The following ECPAS variants were observed in gnomAD, a reference collection of about 807,000 sequenced individuals.
The protein encoded by ECPAS is proteasome adapter and scaffold protein ECM29.
In ECPAS, 70 loss-of-function variants were observed where a neutral mutation model predicts 255.1. That is an observed-to-expected ratio of 0.27 (90% CI 0.23 to 0.33). The LOEUF is 0.33. Ranked by LOEUF, ECPAS falls within the 10% of genes least tolerant of loss-of-function variation. The pLI is 1.00. For missense variants in ECPAS, 1,817 were observed against 2,206.4 expected (o/e 0.82, Z 3.54); for synonymous variants, 784 against 775.0 (o/e 1.01, Z -0.19).
intron 36 of ECPAS, among the ~76,000 whole-genome samples, chr9:111,377,556 A>G (rs1300927057): frequency 6.6e-6 from 1 of 152,228 alleles, no homozygotes; most frequent in Non-Finnish European, 1.5e-5. Context: ...TCACTGTAGA[A>G]CACTATACAT....
intron 2 of ECPAS, among the ~76,000 whole-genome samples, chr9:111,452,242 T>C (rs973096483): frequency 6.6e-6 from 1 of 152,202 alleles, no homozygotes; most frequent in Non-Finnish European, 1.5e-5. Flanking sequence ...TTAGGTACTA[T>C]AATGGTATTG....
chr9:111,378,534 C>T, intron 36 of ECPAS, 46 bp downstream of exon 36: 1 of 1,568,132 alleles, frequency 6.4e-7, no homozygotes, highest in Non-Finnish European at 8.7e-7. Context: ...CTTAACAGGG[C>T]TCTTCCCTCA....
chr9:111,380,485 G>A (rs539688682), intron 35 of ECPAS, among the ~76,000 whole-genome samples: 2 of 152,288 alleles, frequency 1.3e-5, no homozygotes, highest in African/African-American at 4.8e-5. Flanking sequence ...AGCAGATTTA[G>A]CAGAATTCTT....
intron 38 of ECPAS, among the ~76,000 whole-genome samples, 196 bp from the exon 39 acceptor site, chr9:111,374,234 G>T (rs186032461): frequency 2.6e-5 from 4 of 152,232 alleles, no homozygotes; most frequent in Non-Finnish European, 5.9e-5. Flanking sequence ...AGAGAAAGAT[G>T]GGTGATCTCA....
At chr9:111,462,579 A>C (rs1046111430) in intron 2 of ECPAS, among the ~76,000 whole-genome samples, 1 of 152,148 alleles carries the variant, frequency 6.6e-6, no homozygotes, top group African/African-American at 2.4e-5. Flanking sequence ...CAAAGTATCA[A>C]TGTAGTTTTT....
intron 6 of ECPAS, 30 bp from the exon 7 acceptor site, chr9:111,437,138 A>G: frequency 1.3e-6 from 2 of 1,535,946 alleles, no homozygotes; most frequent in East Asian, 4.7e-5. Flanking sequence ...TTAACCCTCT[A>G]TAAATACAAA....
intron 9 of ECPAS, among the ~76,000 whole-genome samples, chr9:111,429,389 A>C (rs2098226524): frequency 6.6e-6 from 1 of 152,140 alleles, no homozygotes; most frequent in African/African-American, 2.4e-5. Flanking sequence ...CATGAGTGCA[A>C]ATATTGACAC....
intron 17 of ECPAS, 77 bp from the exon 18 acceptor site, chr9:111,416,429 C>T (rs2098203622): frequency 3.8e-6 from 4 of 1,039,592 alleles, no homozygotes; most frequent in East Asian, 4.8e-5. Context: ...TCAAAAACAA[C>T]TGTGTTTCTA....
chr9:111,456,450 T>A (rs2098267078), intron 2 of ECPAS, among the ~76,000 whole-genome samples: 1 of 152,208 alleles, frequency 6.6e-6, no homozygotes, highest in Admixed American at 6.5e-5. Flanking sequence ...TCTCCAAGAA[T>A]GACCCTATTT....
At chr9:111,397,724 T>C (rs1423507625) in intron 24 of ECPAS, among the ~76,000 whole-genome samples, 2 of 152,222 alleles carry the variant, frequency 1.3e-5, no homozygotes, top group Non-Finnish European at 2.9e-5. Context: ...TTTAACTCTT[T>C]GCACTCTTAA....
intron 1 of ECPAS, chr9:111,483,445 C>G (rs2098309926): frequency 1.3e-5 from 12 of 927,344 alleles, no homozygotes; most frequent in Non-Finnish European, 1.5e-5. Flanking sequence ...GCCGCCGGCC[C>G]CCGGCACCGC....
chr9:111,437,305 G>A (rs7851291), intron 6 of ECPAS, among the ~76,000 whole-genome samples, 197 bp from the exon 7 acceptor site: 8,685 of 152,140 alleles, frequency 0.057, 590 homozygotes, highest in African/African-American at 0.15. Flanking sequence ...TAACCAGAGA[G>A]CACGTCATTT....
Position 111,468,610 on chromosome 9 carries a change from C to T in ECPAS, c.22+4287G>A, listed in dbSNP as rs192227271. Among the ~76,000 whole-genome samples the T allele has an allele frequency of 2.0e-5, 3 of 149,966 alleles. No homozygotes were observed. In the East Asian group the frequency reaches 6.0e-4, roughly 30 times the overall value. On this transcript the variant is annotated intron_variant, in intron 2 of 49. Coordinates refer to ENST00000684092, the MANE Select transcript of ECPAS (RefSeq NM_001364929.1). ...GGCCTTTTCCTAGGACATACCAATT[C>T]TGGGCAAAGAGAGTGAGTGAGAGAG...
intron 2 of ECPAS, among the ~76,000 whole-genome samples, chr9:111,456,458 T>TGTACC (rs2098267102): frequency 6.6e-6 from 1 of 152,206 alleles, no homozygotes; most frequent in Non-Finnish European, 1.5e-5. Flanking sequence ...AATGACCCTA[T>TGTACC]TTTCTATCAG....
At chr9:111,441,526 C>T (rs7048471) in intron 5 of ECPAS, among the ~76,000 whole-genome samples, 2,325 of 152,096 alleles carry the variant, frequency 0.015, 61 homozygotes, top group African/African-American at 0.053. Flanking sequence ...TTATTTTCCA[C>T]AACTAAAGTT....
At chr9:111,414,731 T>C (rs764086727) in intron 18 of ECPAS, 80 bp from the exon 19 acceptor site, 58 of 1,263,698 alleles carry the variant, frequency 4.6e-5, no homozygotes, top group East Asian at 2.9e-4. Context: ...AGTAACAATT[T>C]CTAGTTTTGA....
At chr9:111,391,665 A>C in intron 29 of ECPAS, 91 bp downstream of exon 29, 2 of 799,510 alleles carry the variant, frequency 2.5e-6, no homozygotes, top group South Asian at 3.2e-5. Context: ...AGAGGGTAGA[A>C]ATCAACTTCA....
intron 26 of ECPAS, 104 bp from the exon 27 acceptor site, chr9:111,393,838 C>A (rs767574513): frequency 2.1e-5 from 18 of 869,840 alleles, no homozygotes; most frequent in Non-Finnish European, 1.6e-5. Context: ...ATTATCCAAG[C>A]CAGTTACAAT....
chr9:111,484,000 C>A lies in ECPAS; in HGVS notation c.-83+116G>T, dbSNP rs2098311350. ...TCCTGCCCACCTGTCGCCGCCCGCC[C>A]CGCGTGCGCTCCCCGCGCGGACTCG... On this transcript the variant is annotated intron_variant, in intron 1 of 49. Coordinates refer to ENST00000684092, the MANE Select transcript of ECPAS (RefSeq NM_001364929.1). 4 of 1,007,508 alleles carry A rather than the reference C, an allele frequency of 4.0e-6. No homozygotes were observed. Among genetic ancestry groups the A allele is most frequent in the South Asian group, 4.5e-5 (1 of 22,336 alleles). 62.4% of individuals were successfully genotyped at this position (1,007,508 alleles called of 1,614,324 possible). A position where few individuals can be genotyped will look rare whatever the true frequency, so the allele number is the denominator to read the frequency against.
Sources: gnomAD v4.1 joint callset for allele counts (sites outside exome capture counted in the v4.1 genomes callset) on GRCh38, gnomAD v4.1.1 for gene constraint, MANE v1.5 for transcripts, NCBI Gene and HGNC (gene_info 2026-07-23, HGNC 2026-07-21) for gene names.